TMEM233: variants seen among roughly 807,000 people sequenced by gnomAD.
TMEM233 encodes transmembrane protein 233, also known as dispanin subfamily B member 2.
A neutral mutation model predicts 11.2 loss-of-function variants in TMEM233; 6 were observed. The ratio of observed to expected loss-of-function variants is 0.54; its 90% CI spans 0.29 to 1.06. TMEM233 has a LOEUF of 1.06. Among genes scored for constraint, TMEM233 ranks in the 50% least tolerant of loss-of-function variants. The pLI, the probability that TMEM233 is intolerant of heterozygous loss-of-function variation, is 0.08. For missense variants in TMEM233, 127 were observed against 144.7 expected (o/e 0.88, Z 0.63); for synonymous variants, 59 against 55.8 (o/e 1.06, Z -0.26).
chr12:119,628,883 A>G (rs1246493268), intron 1 of TMEM233, among the ~76,000 whole-genome samples: 3 of 152,240 alleles, frequency 2.0e-5, no homozygotes, highest in Non-Finnish European at 4.4e-5. Flanking sequence ...CACCTGCCCT[A>G]CAACAAAACT....
Position 119,629,815 on chromosome 12 carries a change from C to G in TMEM233, c.266C>G (p.Ser89Cys). The G allele has an allele frequency of 1.3e-6, 2 of 1,551,704 alleles. No individual in the cohort carries two copies. The highest frequency in any genetic ancestry group is 1.7e-6 in the Non-Finnish European group (2 of 1,146,980). ...AATGCTAAGTGGGTAGCCATCGCCT[C>G]CATCATCATTGGCCTTCTCATCATC... ...GRNAKWVAIA[S>C]IIIGLLIIGI... Residue 89 changes from serine to cysteine, a missense_variant, in exon 2 of 3, where the codon TCC becomes TGC. Ser to Cys is a moderately radical substitution (Grantham distance 112, BLOSUM62 -1). Coordinates refer to ENST00000426426, the MANE Select transcript of TMEM233 (RefSeq NM_001136534.3).
intron 1 of TMEM233, among the ~76,000 whole-genome samples, chr12:119,608,692 A>C (rs1954333835): frequency 6.6e-6 from 1 of 152,216 alleles, no homozygotes; most frequent in Non-Finnish European, 1.5e-5. Context: ...CAACATGAAG[A>C]AGCGTCACTT....
chr12:119,637,633 G>C (rs1159278419), intron 2 of TMEM233, among the ~76,000 whole-genome samples: 1 of 152,092 alleles, frequency 6.6e-6, no homozygotes, highest in East Asian at 1.9e-4. Context: ...GAGAATTTTT[G>C]TGATTCCATA....
chr12:119,646,244 A>G (rs563531881), downstream of TMEM233, among the ~76,000 whole-genome samples: 17 of 152,174 alleles, frequency 1.1e-4, no homozygotes, highest in African/African-American at 3.9e-4. Flanking sequence ...TTTTTAGTAG[A>G]GACGGAGTTT....
chr12:119,609,409 C>T (rs934437324), intron 1 of TMEM233, among the ~76,000 whole-genome samples: 39 of 152,120 alleles, frequency 2.6e-4, no homozygotes, highest in African/African-American at 6.0e-4. Flanking sequence ...AAATTCAAGC[C>T]GGCTACAAAA....
rs1224493114 is a variant in TMEM233 at position 119,593,886 on chromosome 12, C to T, written c.38C>T (p.Ala13Val). The change falls in exon 1 of 3, where the codon GCT becomes GTT. Residue 13 changes from alanine to valine, a missense_variant. Coordinates refer to ENST00000426426, the MANE Select transcript of TMEM233 (RefSeq NM_001136534.3). The surrounding 1 kb of genome is among the most constrained non-coding windows in gnomAD (Gnocchi z 4.1). ...GCCCCTAGCCCGGACTTCAAGAGGG[C>T]TTTGGACAGCAGTCCCGAGGCCAAC... Reference protein sequence around the residue: ...QYAPSPDFKRALDSSPEANTE... With the variant: ...QYAPSPDFKRVLDSSPEANTE... The T allele has an allele frequency of 6.4e-7, 1 of 1,551,750 alleles. No homozygotes were observed. Among genetic ancestry groups the T allele is most frequent in the African/African-American group, 1.4e-5 (1 of 73,186 alleles).
chr12:119,644,573 G>C (rs1388124776), downstream of TMEM233, among the ~76,000 whole-genome samples: 1 of 151,094 alleles, frequency 6.6e-6, no homozygotes, highest in Non-Finnish European at 1.5e-5. Context: ...CACCTCCCGG[G>C]TTCAAGCGAT....
At chr12:119,612,202 C>T (rs1870900903) in intron 1 of TMEM233, among the ~76,000 whole-genome samples, 2 of 152,024 alleles carry the variant, frequency 1.3e-5, no homozygotes, top group African/African-American at 2.4e-5. Context: ...ACCTTGTTAG[C>T]CAGGATAGTC....
chr12:119,610,624 A>G (rs1288882530), intron 1 of TMEM233, among the ~76,000 whole-genome samples: 1 of 152,120 alleles, frequency 6.6e-6, no homozygotes, highest in Non-Finnish European at 1.5e-5. Context: ...TGATGGTTTT[A>G]TAAGGGACTC....
Position 119,627,600 on chromosome 12 carries a change from T to A in TMEM233, c.187-2136T>A, listed in dbSNP as rs979283016. Among the ~76,000 whole-genome samples the A allele has an allele frequency of 3.9e-5, 6 of 151,954 alleles. No individual in the cohort carries two copies. The South Asian group carries it at 1.3e-3, about 32-fold the overall frequency. On this transcript the variant is annotated intron_variant, in intron 1 of 2. Transcript: ENST00000426426. Reference sequence around the variant, plus strand: ...CCAGCTCACACATGAACTAACAGAGTGAGAACTCATTACTGCAGGGAGGGC... The same window carrying A: ...CCAGCTCACACATGAACTAACAGAGAGAGAACTCATTACTGCAGGGAGGGC...
At chr12:119,624,727 TG>T (rs1311759759) in intron 1 of TMEM233, among the ~76,000 whole-genome samples, 1 of 152,070 alleles carries the variant, frequency 6.6e-6, no homozygotes, top group Non-Finnish European at 1.5e-5. Flanking sequence ...GAGTTTCCAT[TG>T]GGGAAGATGA....
chr12:119,614,088 C>T (rs1416888372), intron 1 of TMEM233, among the ~76,000 whole-genome samples: 1 of 151,960 alleles, frequency 6.6e-6, no homozygotes, highest in Non-Finnish European at 1.5e-5. Flanking sequence ...AATAGGGAGC[C>T]ATGGAAGACT....
rs777574123 is a variant in TMEM233, at chr12:119,594,047, C to A, written c.186+13C>A. ...CTTTTCCATCATGGTGAGTGAATCA[C>A]GGCCAGAGGCAGCCTGGGAGGAGAG... On this transcript the variant is annotated intron_variant, in intron 1 of 2. Transcript: ENST00000426426. The surrounding 1 kb of genome is among the most constrained non-coding windows in gnomAD (Gnocchi z 5.6). 1.4e-5 allele frequency: 21 copies of A among 1,550,678 alleles called. No homozygotes were observed. In the South Asian group the frequency reaches 1.5e-4, roughly 11 times the overall value.
chr12:119,650,874 C>T, the TMEM233 span, among the ~76,000 whole-genome samples: 7 of 152,204 alleles, frequency 4.6e-5, no homozygotes, highest in South Asian at 2.1e-4. Context: ...AACTCCTGAA[C>T]TCAAGTGATC....
intron 1 of TMEM233, among the ~76,000 whole-genome samples, chr12:119,599,989 C>G (rs1408650562): frequency 6.6e-6 from 1 of 152,086 alleles, no homozygotes; most frequent in Non-Finnish European, 1.5e-5. Flanking sequence ...GAATTTCTCT[C>G]CAAGGATGTG....
intron 1 of TMEM233, among the ~76,000 whole-genome samples, chr12:119,606,350 C>G (rs184382919): frequency 6.6e-6 from 1 of 151,856 alleles, no homozygotes; most frequent in African/African-American, 2.4e-5. Flanking sequence ...AGGGAGAAAA[C>G]TCACTTCTCA....
intron 1 of TMEM233, among the ~76,000 whole-genome samples, chr12:119,619,154 A>T (rs1368931334): frequency 6.6e-6 from 1 of 152,150 alleles, no homozygotes; most frequent in Non-Finnish European, 1.5e-5. Flanking sequence ...TCCTGCTGCC[A>T]TGTGAAGAAG....
At chr12:119,651,825 CAAAAAAAAAAAAAAA>C in the TMEM233 span, among the ~76,000 whole-genome samples, 1 of 79,420 alleles carries the variant, frequency 1.3e-5, no homozygotes, top group South Asian at 5.1e-4. Flanking sequence ...GACTCCGTCT[CAAAAAAAAAAAAAAA>C]AAAAAAAAAG....
intron 1 of TMEM233, among the ~76,000 whole-genome samples, chr12:119,616,863 C>T (rs1954548406): frequency 6.6e-6 from 1 of 152,190 alleles, no homozygotes; most frequent in Non-Finnish European, 1.5e-5. Context: ...GCTCAGCACT[C>T]ATTCTTTTCT....
Sources: gnomAD v4.1 joint callset for allele counts (sites outside exome capture counted in the v4.1 genomes callset) on GRCh38, gnomAD v4.1.1 for gene constraint, Gnocchi (gnomAD v3.1) non-coding constraint, MANE v1.5 for transcripts, NCBI Gene and HGNC (gene_info 2026-07-23, HGNC 2026-07-21) for gene names.